Variants in CLVS1 observed in about 807,000 individuals in gnomAD.
The protein encoded by CLVS1 is clavesin-1.
A neutral mutation model predicts 33.1 loss-of-function variants in CLVS1; 10 were observed. That is an observed-to-expected ratio of 0.30 (90% CI 0.19 to 0.51). The LOEUF (loss-of-function observed/expected upper bound fraction) is 0.51, where lower values mean the gene tolerates loss of function less well. Among genes scored for constraint, CLVS1 ranks in the 20% least tolerant of loss-of-function variants. The pLI is 0.97. For synonymous variants in CLVS1, 163 were observed against 166.1 expected (o/e 0.98, Z 0.14); for missense variants, 343 against 433.4 (o/e 0.79, Z 1.85).
chr8:61,433,801 C>A lies in CLVS1; in HGVS notation c.631-20340C>A, dbSNP rs542790549. Reference sequence around the variant, plus strand: ...TGGTGGCTGGCACCTGTAGTCCTGGCTACCTGGGAGGCCGAGGCAGGAGAA... The same window carrying A: ...TGGTGGCTGGCACCTGTAGTCCTGGATACCTGGGAGGCCGAGGCAGGAGAA... On this transcript the variant is annotated intron_variant, in intron 3 of 5. Coordinates refer to ENST00000325897, the MANE Select transcript of CLVS1 (RefSeq NM_173519.3). Among the ~76,000 whole-genome samples the A allele has an allele frequency of 3.3e-5, 5 of 152,212 alleles. No individual in the cohort carries two copies. The South Asian group carries it at 1.0e-3, about 32-fold the overall frequency.
intron 2 of CLVS1, among the ~76,000 whole-genome samples, chr8:61,275,883 G>C (rs747180516): frequency 6.6e-5 from 10 of 152,082 alleles, no homozygotes; most frequent in African/African-American, 2.4e-4. Flanking sequence ...CATGTTGCTC[G>C]TGCAATATTT....
intron 2 of CLVS1, among the ~76,000 whole-genome samples, chr8:61,135,759 C>T (rs113151326): frequency 3.2e-4 from 48 of 152,300 alleles, no homozygotes; most frequent in African/African-American, 1.2e-3. Flanking sequence ...CATCTTTTGC[C>T]GTGCAGAATC....
At chr8:61,221,259 G>A (rs186379387) in intron 2 of CLVS1, among the ~76,000 whole-genome samples, 1 of 152,226 alleles carries the variant, frequency 6.6e-6, no homozygotes, top group East Asian at 1.9e-4. Context: ...CTTTTCTTGT[G>A]CCGGTTTGCA....
At chr8:61,291,486 C>T (rs1809989493) in intron 1 of CLVS1, among the ~76,000 whole-genome samples, 1 of 152,094 alleles carries the variant, frequency 6.6e-6, no homozygotes, top group Non-Finnish European at 1.5e-5. Context: ...ATAGCTTATT[C>T]AATTGTTCAT....
intron 1 of CLVS1, among the ~76,000 whole-genome samples, chr8:61,092,303 G>A (rs929191936): frequency 6.6e-6 from 1 of 152,176 alleles, no homozygotes; most frequent in Non-Finnish European, 1.5e-5. Context: ...TGGACAACCT[G>A]TAGGCAATCA....
chr8:60,983,934 C>T, the CLVS1 span, among the ~76,000 whole-genome samples: 1 of 152,188 alleles, frequency 6.6e-6, no homozygotes, highest in Non-Finnish European at 1.5e-5. Flanking sequence ...ACCTGCCCTG[C>T]CCTGAGGTTC....
chr8:61,072,044 T>G (rs1383040064), intron 1 of CLVS1, among the ~76,000 whole-genome samples: 1 of 152,230 alleles, frequency 6.6e-6, no homozygotes, highest in Non-Finnish European at 1.5e-5. Context: ...TGCGCTGGCT[T>G]GCTTAGATGC....
chr8:61,239,238 C>T (rs918714127), intron 2 of CLVS1, among the ~76,000 whole-genome samples: 1 of 152,044 alleles, frequency 6.6e-6, no homozygotes, highest in African/African-American at 2.4e-5. Context: ...TACTATTGCC[C>T]CCTAGGGTTG....
intron 3 of CLVS1, among the ~76,000 whole-genome samples, chr8:61,413,959 A>G (rs1254639214): frequency 5.3e-5 from 8 of 152,236 alleles, no homozygotes; most frequent in Non-Finnish European, 1.5e-5. Flanking sequence ...TATTCTGGGC[A>G]CTGAACTTAC....
chr8:61,360,304 G>A (rs1042045421), intron 2 of CLVS1, among the ~76,000 whole-genome samples: 5 of 152,040 alleles, frequency 3.3e-5, no homozygotes, highest in Non-Finnish European at 5.9e-5. Context: ...GTTTTATTTG[G>A]GACCTAGATG....
chr8:61,424,382 A>G (rs1483131113), intron 3 of CLVS1, among the ~76,000 whole-genome samples: 1 of 152,218 alleles, frequency 6.6e-6, no homozygotes, highest in Non-Finnish European at 1.5e-5. Context: ...TTTGTTCTAC[A>G]TGTTCAGCAG....
At chr8:61,480,715 A>G (rs982474613) in intron 5 of CLVS1, among the ~76,000 whole-genome samples, 3 of 152,110 alleles carry the variant, frequency 2.0e-5, no homozygotes, top group African/African-American at 7.2e-5. Context: ...CTATTCATCC[A>G]TCTTGGCTCC....
Position 61,460,798 on chromosome 8 carries a change from G to C in CLVS1, c.977+2256G>C, listed in dbSNP as rs1156666311. Among the ~76,000 whole-genome samples, 3 of 152,324 alleles carry C rather than the reference G, an allele frequency of 2.0e-5. No individual in the cohort carries two copies. The South Asian group carries it at 6.2e-4, about 32-fold the overall frequency. On this transcript the variant is annotated intron_variant, in intron 5 of 5. Coordinates refer to ENST00000325897, the MANE Select transcript of CLVS1 (RefSeq NM_173519.3). ...CTTTGCTCTTGACTGGCCCACTTTT[G>C]CTTTGACTAGAGCACTGCCACCTCT...
intron 1 of CLVS1, among the ~76,000 whole-genome samples, chr8:61,126,932 T>C (rs1805984363): frequency 6.6e-6 from 1 of 152,212 alleles, no homozygotes; most frequent in African/African-American, 2.4e-5. Flanking sequence ...GAGTCAAATA[T>C]CCATCGTCAA....
chr8:61,096,384 C>T (rs1358343246), intron 1 of CLVS1, among the ~76,000 whole-genome samples: 2 of 152,194 alleles, frequency 1.3e-5, no homozygotes, highest in Non-Finnish European at 2.9e-5. Context: ...TTCTTTCCTA[C>T]CCTCTTCTCC....
the CLVS1 span, among the ~76,000 whole-genome samples, chr8:61,016,263 A>G: frequency 6.6e-6 from 1 of 152,240 alleles, no homozygotes; most frequent in Non-Finnish European, 1.5e-5. Context: ...CAGAAATGCA[A>G]AGTACTTCTG....
intron 1 of CLVS1, chr8:61,090,994 C>T (rs1265830180): frequency 4.1e-6 from 2 of 489,026 alleles, no homozygotes; most frequent in Non-Finnish European, 8.1e-6. Flanking sequence ...CCATGCCCCC[C>T]CACCAATACA....
chr8:61,350,694 C>T (rs974596563), intron 2 of CLVS1, among the ~76,000 whole-genome samples: 1 of 152,056 alleles, frequency 6.6e-6, no homozygotes, highest in African/African-American at 2.4e-5. Context: ...AAAGGTAAAG[C>T]GAAAATGAAC....
intron 1 of CLVS1, chr8:61,292,071 A>G (rs1412997012): frequency 3.7e-6 from 1 of 271,026 alleles, no homozygotes; most frequent in Non-Finnish European, 7.5e-6. Flanking sequence ...TTCTGCTGCC[A>G]CTGCTGATGC....
Sources: gnomAD v4.1 joint callset for allele counts (sites outside exome capture counted in the v4.1 genomes callset) on GRCh38, gnomAD v4.1.1 for gene constraint, MANE v1.5 for transcripts, NCBI Gene and HGNC (gene_info 2026-07-23, HGNC 2026-07-21) for gene names.